The following DCC variants were observed in gnomAD, a reference collection of about 807,000 sequenced individuals.
DCC encodes the protein DCC netrin 1 receptor, also known as netrin receptor DCC.
A neutral mutation model predicts 172.5 loss-of-function variants in DCC; 58 were observed. The observed-to-expected ratio is 0.34, with a 90% confidence interval of 0.27 to 0.42. DCC has a LOEUF of 0.42. Ranked by LOEUF, DCC falls within the 10% of genes least tolerant of loss-of-function variation. DCC has a pLI of 1.00. For missense variants in DCC, 1,740 were observed against 1,791.0 expected (o/e 0.97, Z 0.51); for synonymous variants, 709 against 644.5 (o/e 1.10, Z -1.52).
intron 5 of DCC, among the ~76,000 whole-genome samples, chr18:52,964,710 T>A (rs1214377183): frequency 6.6e-6 from 1 of 151,952 alleles, no homozygotes; most frequent in East Asian, 1.9e-4. Flanking sequence ...CTATTACTGC[T>A]GTTTTAAAAA....
rs1555689730 is a variant in DCC, at chr18:52,497,280, A to AAAAAT, written c.91+156403_91+156404insAAATA. On this transcript the variant is annotated intron_variant, in intron 1 of 28. Transcript: ENST00000442544. Reference sequence around the variant, plus strand: ...TGTATCAAAAAAAAAAAAAAAAAAAAATATATATATATATATATATATATA... The same window carrying AAAAAT: ...TGTATCAAAAAAAAAAAAAAAAAAAAAAAATATATATATATATATATATATATATA... Among the ~76,000 whole-genome samples, 146 of 21,460 alleles carry AAAAAT rather than the reference A, an allele frequency of 6.8e-3. 1 individual carries two copies. The highest frequency in any genetic ancestry group is 0.029 in the Middle Eastern group (1 of 34). The allele number at this position is 21,460 out of a possible 152,430, so 14.1% of individuals were successfully genotyped here.
intron 27 of DCC, among the ~76,000 whole-genome samples, chr18:53,499,712 C>G (rs1249826383): frequency 6.6e-6 from 1 of 152,126 alleles, no homozygotes; most frequent in Non-Finnish European, 1.5e-5. Flanking sequence ...GTTGTAGGTG[C>G]TTTTCATCCC....
At chr18:52,654,200 A>G (rs1471887930) in intron 1 of DCC, among the ~76,000 whole-genome samples, 1 of 152,182 alleles carries the variant, frequency 6.6e-6, no homozygotes, top group Non-Finnish European at 1.5e-5. Flanking sequence ...TGTGGCCTGG[A>G]GAAACATACA....
intron 5 of DCC, among the ~76,000 whole-genome samples, chr18:53,005,944 A>G (rs2041638500): frequency 6.6e-6 from 1 of 152,148 alleles, no homozygotes; most frequent in African/African-American, 2.4e-5. Context: ...TATGGGATCA[A>G]TGGGATTCCT....
At position 53,003,833 on chromosome 18, in the gene DCC, G is replaced by A. The variant is rs530381303; in HGVS notation, c.986-59472G>A. Among the ~76,000 whole-genome samples, 5 of 152,200 alleles carry A rather than the reference G, an allele frequency of 3.3e-5. No individual in the cohort carries two copies. The South Asian group carries it at 6.2e-4, about 19-fold the overall frequency. On this transcript the variant is annotated intron_variant, in intron 5 of 28. Transcript: ENST00000442544. Reference sequence around the variant, plus strand: ...TAATATTCACCTTCTGCTAAGGCATGCATGAGTGATTAGTGTTCATATTTA... The same window carrying A: ...TAATATTCACCTTCTGCTAAGGCATACATGAGTGATTAGTGTTCATATTTA...
Position 53,402,877 on chromosome 18 carries a change from C to A in DCC, c.2919C>A (p.Ala973=). Residue 973 remains alanine (A), a synonymous_variant, in exon 19 of 29, where the codon GCC becomes GCA. Coordinates refer to ENST00000442544, the MANE Select transcript of DCC (RefSeq NM_005215.4). ...VIVSWQPPLE[A]NGKITAYILF... ...TGAGTTGGCAGCCTCCCTTGGAAGCCAATGGGAAAATTACTGGTAAGCATC... is the reference window on the plus strand; with the variant it reads ...TGAGTTGGCAGCCTCCCTTGGAAGCAAATGGGAAAATTACTGGTAAGCATC... 6.2e-7 allele frequency: 1 copy of A among 1,612,992 alleles called. No individual in the cohort carries two copies. Among genetic ancestry groups the A allele is most frequent in the East Asian group, 2.2e-5 (1 of 44,860 alleles).
chr18:52,769,955 A>G (rs2037313668), intron 2 of DCC, among the ~76,000 whole-genome samples: 1 of 152,206 alleles, frequency 6.6e-6, no homozygotes, highest in African/African-American at 2.4e-5. Context: ...CCATCCAAAC[A>G]GAAACTGCCA....
rs1408322342 is a variant in DCC, at chr18:53,036,003, C to T, written c.986-27302C>T. Reference sequence around the variant, plus strand: ...CTACTTATTTTTATAGACTGTATTCCTCGATGTTGGACACTTGGTAAGAGG... The same window carrying T: ...CTACTTATTTTTATAGACTGTATTCTTCGATGTTGGACACTTGGTAAGAGG... On this transcript the variant is annotated intron_variant, in intron 5 of 28. Transcript: ENST00000442544. 2.0e-5 allele frequency among the ~76,000 whole-genome samples: 3 copies of T among 151,948 alleles called. No homozygotes were observed. In the East Asian group the frequency reaches 5.8e-4, roughly 29 times the overall value.
intron 2 of DCC, among the ~76,000 whole-genome samples, chr18:52,821,761 C>G (rs1274249285): frequency 6.6e-6 from 1 of 152,208 alleles, no homozygotes; most frequent in African/African-American, 2.4e-5. Flanking sequence ...TTCTCCATCA[C>G]TAAAACGTAA....
intron 15 of DCC, among the ~76,000 whole-genome samples, chr18:53,373,927 A>G (rs1470451680): frequency 6.6e-6 from 1 of 152,252 alleles, no homozygotes; most frequent in African/African-American, 2.4e-5. Flanking sequence ...CCCATGCTAT[A>G]AAGTCATAGT....
intron 9 of DCC, among the ~76,000 whole-genome samples, chr18:53,204,565 G>C (rs1461886049): frequency 2.7e-5 from 4 of 145,680 alleles, no homozygotes; most frequent in African/African-American, 1.0e-4. Flanking sequence ...AAAAAAAAAA[G>C]TGTTTTAGGT....
chr18:53,500,346 T>G (rs1350526013), intron 27 of DCC, among the ~76,000 whole-genome samples: 1 of 152,154 alleles, frequency 6.6e-6, no homozygotes, highest in Admixed American at 6.5e-5. Flanking sequence ...AGAATAATTC[T>G]TAAAATCCTC....
chr18:52,690,289 G>A (rs2035911337), intron 1 of DCC, among the ~76,000 whole-genome samples: 1 of 152,152 alleles, frequency 6.6e-6, no homozygotes, highest in Non-Finnish European at 1.5e-5. Flanking sequence ...AAGGAACTCA[G>A]CTGGGTGCAG....
intron 1 of DCC, among the ~76,000 whole-genome samples, chr18:52,748,059 C>T: frequency 6.6e-6 from 1 of 152,174 alleles, no homozygotes; most frequent in East Asian, 1.9e-4. Context: ...TGATCCCACG[C>T]CCACCATAGG....
chr18:52,942,250 A>G (rs188606322), intron 5 of DCC, among the ~76,000 whole-genome samples: 3 of 152,162 alleles, frequency 2.0e-5, no homozygotes, highest in Non-Finnish European at 2.9e-5. Context: ...AAATTAATTT[A>G]GTCTATACAT....
intron 12 of DCC, among the ~76,000 whole-genome samples, chr18:53,234,597 A>C (rs1416245817): frequency 6.6e-6 from 1 of 152,122 alleles, no homozygotes; most frequent in African/African-American, 2.4e-5. Flanking sequence ...TCACGTGTTT[A>C]AAAGAAAATT....
At chr18:53,401,834 C>G (rs1909315285) in intron 18 of DCC, among the ~76,000 whole-genome samples, 1 of 152,128 alleles carries the variant, frequency 6.6e-6, no homozygotes, top group South Asian at 2.1e-4. Flanking sequence ...TGGAAGAAGC[C>G]TGGAAGATCC....
chr18:52,973,311 C>T (rs2041061228), intron 5 of DCC, among the ~76,000 whole-genome samples: 1 of 152,034 alleles, frequency 6.6e-6, no homozygotes, highest in Non-Finnish European at 1.5e-5. Flanking sequence ...GTTTTTTTAA[C>T]TTATACCTAG....
At position 52,727,783 on chromosome 18, in the gene DCC, G is replaced by A. The variant is rs538266246; in HGVS notation, c.92-24271G>A. On this transcript the variant is annotated intron_variant, in intron 1 of 28. Coordinates refer to ENST00000442544, the MANE Select transcript of DCC (RefSeq NM_005215.4). ...TTGGTGGTGCCGGCTGGAATGGCAG[G>A]GCTGAAATGTACACATTTGTTATTG... 7.2e-5 allele frequency among the ~76,000 whole-genome samples: 11 copies of A among 152,262 alleles called. No homozygotes were observed. The South Asian group carries it at 1.5e-3, about 20-fold the overall frequency.
Sources: gnomAD v4.1 joint callset for allele counts (sites outside exome capture counted in the v4.1 genomes callset) on GRCh38, gnomAD v4.1.1 for gene constraint, MANE v1.5 for transcripts, NCBI Gene and HGNC (gene_info 2026-07-23, HGNC 2026-07-21) for gene names.